DDAH1: variants seen among roughly 807,000 people sequenced by gnomAD.
DDAH1 encodes the protein dimethylarginine dimethylaminohydrolase 1.
Under a neutral mutation model 28.8 loss-of-function variants are expected in DDAH1, and 19 were observed. The observed-to-expected ratio is 0.66, with a 90% CI of 0.46 to 0.97. The LOEUF is 0.97. DDAH1 is among the 50% of genes least tolerant of loss of function. The pLI, the probability that DDAH1 is intolerant of heterozygous loss-of-function variation, is 0.00. For synonymous variants in DDAH1, 153 were observed against 154.4 expected (o/e 0.99, Z 0.07); for missense variants, 326 against 375.9 (o/e 0.87, Z 1.10).
chr1:85,432,820 A>G (rs1348451371), intron 1 of DDAH1, among the ~76,000 whole-genome samples: 1 of 152,188 alleles, frequency 6.6e-6, no homozygotes, highest in Non-Finnish European at 1.5e-5. Flanking sequence ...TAATTCTGGT[A>G]TTTCAGCATC....
At chr1:85,355,516 G>A (rs1177441885) in intron 2 of DDAH1, among the ~76,000 whole-genome samples, 2 of 152,048 alleles carry the variant, frequency 1.3e-5, no homozygotes, top group African/African-American at 4.8e-5. Flanking sequence ...TTCATGCTGG[G>A]GTTGCAAGAC....
chr1:85,432,656 T>C (rs1653746912), intron 1 of DDAH1, among the ~76,000 whole-genome samples: 1 of 152,196 alleles, frequency 6.6e-6, no homozygotes. Flanking sequence ...GAATATGAAT[T>C]TTCCCAGGAA....
intron 1 of DDAH1, among the ~76,000 whole-genome samples, chr1:85,428,922 A>T (rs1396864555): frequency 6.6e-6 from 1 of 152,170 alleles, no homozygotes; most frequent in Non-Finnish European, 1.5e-5. Context: ...AAGTGAAACA[A>T]GCCAAGGTGG....
At chr1:85,383,834 A>G (rs1651118925) in intron 1 of DDAH1, among the ~76,000 whole-genome samples, 1 of 152,330 alleles carries the variant, frequency 6.6e-6, no homozygotes, top group African/African-American at 2.4e-5. Context: ...TAGCCATAAA[A>G]TATTCTTTAA....
chr1:85,380,605 G>A (rs1167200885), intron 1 of DDAH1: 2 of 152,152 alleles, frequency 1.3e-5, no homozygotes, highest in East Asian at 1.9e-4. Context: ...CAGGCATAAC[G>A]TAGAAAACTG....
In DDAH1 at chr1:85,350,526, T is replaced by C. The variant is rs1352146742; in HGVS notation, c.486A>G (p.Ala162=). The C allele has an allele frequency of 1.9e-6, 3 of 1,614,012 alleles. No homozygotes were observed. The highest frequency in any genetic ancestry group is 2.5e-6 in the Non-Finnish European group (3 of 1,179,966). The change falls in exon 4 of 6, where the codon GCA becomes GCG. Residue 162 remains alanine (A), a synonymous_variant. Transcript: ENST00000284031. ...CATCTGCCACTGGCACTGTGGAGAC[T>C]GCATAGTCCTACGTGGACAATAGAA... ...EILADTFKDY[A]VSTVPVADGL...
At chr1:85,349,914 C>T (rs182245083) in intron 4 of DDAH1, among the ~76,000 whole-genome samples, 110 of 152,222 alleles carry the variant, frequency 7.2e-4, no homozygotes, top group Non-Finnish European at 1.3e-3. Flanking sequence ...AGGAAATTTC[C>T]GGTCTTAAAA....
chr1:85,543,071 C>T (rs1483705804), intron 1 of DDAH1, among the ~76,000 whole-genome samples: 1 of 152,152 alleles, frequency 6.6e-6, no homozygotes, highest in Non-Finnish European at 1.5e-5. Flanking sequence ...TACTGCTTCT[C>T]AGATCTTTTT....
At chr1:85,537,882 C>CA (rs1296088738) in intron 1 of DDAH1, among the ~76,000 whole-genome samples, 1 of 151,288 alleles carries the variant, frequency 6.6e-6, no homozygotes, top group Non-Finnish European at 1.5e-5. Flanking sequence ...AAAACAGAAA[C>CA]AAAAAACCAA....
chr1:85,570,731 G>A (rs998787704), intron 1 of DDAH1, among the ~76,000 whole-genome samples: 3 of 152,146 alleles, frequency 2.0e-5, no homozygotes, highest in South Asian at 2.1e-4. Context: ...GAATGTTCAC[G>A]TGATGGCAAT....
At chr1:85,533,692 A>G (rs1321555876) in intron 1 of DDAH1, among the ~76,000 whole-genome samples, 6 of 152,228 alleles carry the variant, frequency 3.9e-5, no homozygotes, top group Admixed American at 3.9e-4. Flanking sequence ...GTCCCATAGC[A>G]TGGGCTCACT....
intron 4 of DDAH1, among the ~76,000 whole-genome samples, chr1:85,335,614 A>G (rs944423509): frequency 2.6e-5 from 4 of 152,212 alleles, no homozygotes; most frequent in South Asian, 2.1e-4. Flanking sequence ...GCAAGAGAAT[A>G]TAACAGTTCT....
chr1:85,396,502 C>T (rs113184674), intron 1 of DDAH1, among the ~76,000 whole-genome samples: 7 of 152,184 alleles, frequency 4.6e-5, no homozygotes, highest in African/African-American at 7.2e-5. Flanking sequence ...AAGCCATTCA[C>T]GAGGGATCCA....
chr1:85,443,504 A>G (rs941856708), intron 1 of DDAH1, among the ~76,000 whole-genome samples: 1 of 152,178 alleles, frequency 6.6e-6, no homozygotes, highest in Admixed American at 6.5e-5. Flanking sequence ...TGTCTTGGCA[A>G]TGGGGGCTCT....
intron 1 of DDAH1, among the ~76,000 whole-genome samples, chr1:85,416,219 G>A (rs550286565): frequency 4.6e-5 from 7 of 151,878 alleles, no homozygotes; most frequent in Admixed American, 2.6e-4. Context: ...CTGTGATTTT[G>A]GTTTCCTTCT....
In DDAH1 at chr1:85,510,094, G is replaced by A. The variant is rs143775529; in HGVS notation, c.-122-13813C>T. On this transcript the variant is annotated intron_variant, in intron 1 of 6. Transcript: ENST00000426972. The stretch of plus-strand genomic sequence containing the variant: ...GAAGGAAAAAGTGTTAAGGGCAGCC[G>A]AAGAGAAAGGTCAAGTTACCCACAA... Among the ~76,000 whole-genome samples, 1,026 of 152,210 alleles carry A rather than the reference G, an allele frequency of 6.7e-3. 11 individuals are homozygous for A. Among genetic ancestry groups the A allele is most frequent in the African/African-American group, 0.024 (986 of 41,506 alleles).
chr1:85,350,637 G>A, intron 3 of DDAH1, 103 bp from the exon 4 acceptor site: 1 of 1,347,950 alleles, frequency 7.4e-7, no homozygotes, highest in Non-Finnish European at 1.0e-6. Context: ...GGCTGACAGG[G>A]ACCTTGAATA....
At chr1:85,550,022 G>T (rs1658738502) in intron 1 of DDAH1, among the ~76,000 whole-genome samples, 1 of 152,138 alleles carries the variant, frequency 6.6e-6, no homozygotes, top group Non-Finnish European at 1.5e-5. Flanking sequence ...GTGACTAAAT[G>T]TAGCTACAGT....
intron 1 of DDAH1, among the ~76,000 whole-genome samples, chr1:85,576,491 C>T (rs1659608675): frequency 6.6e-6 from 1 of 152,300 alleles, no homozygotes; most frequent in Admixed American, 6.5e-5. Flanking sequence ...CCATGTGTCC[C>T]TTCTGGGGAT....
Sources: allele counts gnomAD v4.1 joint callset (sites outside exome capture counted in the v4.1 genomes callset), GRCh38; gene constraint gnomAD v4.1.1; transcripts MANE v1.5; gene names NCBI Gene and HGNC (gene_info 2026-07-23, HGNC 2026-07-21).